LARGE1: variants seen among roughly 807,000 people sequenced by gnomAD.
LARGE1 encodes the protein xylosyl- and glucuronyltransferase LARGE1.
In LARGE1, 43 loss-of-function variants were observed where a neutral mutation model predicts 87.6. The ratio of observed to expected loss-of-function variants is 0.49; its 90% CI spans 0.38 to 0.63. The LOEUF (loss-of-function observed/expected upper bound fraction) is 0.63. Among genes scored for constraint, LARGE1 ranks in the 30% least tolerant of loss-of-function variants. The probability of loss-of-function intolerance (pLI) is 0.00; values close to 1 mark genes in which losing one functional copy is unlikely to be tolerated. For missense variants in LARGE1, 802 were observed against 1,000.2 expected, an observed-to-expected ratio of 0.80 and a Z score of 2.67; for synonymous variants, 434 against 394.6, an observed-to-expected ratio of 1.10 and a Z score of -1.18.
exon 12 of LARGE1, chr22:33,164,071 G>C (rs1602029419): frequency 6.6e-6 from 1 of 152,192 alleles, no homozygotes; most frequent in Admixed American, 6.5e-5. Context: ...CCATTAAGAA[G>C]GGAGGTAGGA....
chr22:33,812,923 CAG>C (rs2086541667), intron 1 of LARGE1, among the ~76,000 whole-genome samples: 1 of 152,196 alleles, frequency 6.6e-6, no homozygotes, highest in African/African-American at 2.4e-5. Context: ...ACAAATAAAA[CAG>C]AGATAATTAA....
At chr22:33,378,679 A>G (rs2147082693) in intron 9 of LARGE1, among the ~76,000 whole-genome samples, 1 of 152,316 alleles carries the variant, frequency 6.6e-6, no homozygotes, top group Admixed American at 6.5e-5. Flanking sequence ...TACAATGACC[A>G]GTTCTTCAAC....
the LARGE1 span, among the ~76,000 whole-genome samples, chr22:33,130,900 G>C: frequency 6.6e-6 from 1 of 151,980 alleles, no homozygotes; most frequent in Non-Finnish European, 1.5e-5. Context: ...GGGCGTGGTG[G>C]CAGTCGCCTG....
intron 11 of LARGE1, among the ~76,000 whole-genome samples, chr22:33,306,591 G>T (rs1488908648): frequency 6.6e-6 from 1 of 152,182 alleles, no homozygotes; most frequent in Admixed American, 6.5e-5. Flanking sequence ...AGAACAGAGA[G>T]GCCAGGAGCG....
chr22:33,602,222 G>T (rs1186875563), intron 5 of LARGE1, among the ~76,000 whole-genome samples: 1 of 152,124 alleles, frequency 6.6e-6, no homozygotes, highest in Non-Finnish European at 1.5e-5. Context: ...ACCAGTTAGA[G>T]AATTCTTCGG....
chr22:33,351,818 T>C (rs1940410083), intron 9 of LARGE1, among the ~76,000 whole-genome samples: 1 of 151,940 alleles, frequency 6.6e-6, no homozygotes, highest in South Asian at 2.1e-4. Context: ...CTTGGCTCAC[T>C]GCAACCGCCT....
At chr22:33,834,933 C>T (rs137945852) in intron 1 of LARGE1, among the ~76,000 whole-genome samples, 111 of 152,332 alleles carry the variant, frequency 7.3e-4, no homozygotes, top group African/African-American at 2.3e-3. Context: ...TATGCCTCAG[C>T]GACAAAGCTA....
downstream of LARGE1, among the ~76,000 whole-genome samples, chr22:33,271,947 AG>A (rs1331737589): frequency 4.6e-5 from 7 of 152,242 alleles, no homozygotes; most frequent in African/African-American, 1.7e-4. Context: ...CTGTACGTGA[AG>A]GTACATCATC....
chr22:33,493,149 G>T lies in LARGE1; in HGVS notation c.788-60884C>A, dbSNP rs57899317. On this transcript the variant is annotated intron_variant, in intron 6 of 14. Transcript: ENST00000397394. Reference sequence around the variant, plus strand: ...CCAAATGGATAGCTCTACAAGCATGGTGGCCTTTTTTTTTTTTTTTTTTTT... The same window carrying T: ...CCAAATGGATAGCTCTACAAGCATGTTGGCCTTTTTTTTTTTTTTTTTTTT... Among the ~76,000 whole-genome samples, 204 of 149,488 alleles carry T rather than the reference G, an allele frequency of 1.4e-3. 2 individuals are homozygous for T. In the East Asian group the frequency reaches 0.032, roughly 24 times the overall value.
chr22:33,767,641 G>A (rs990338628), intron 1 of LARGE1, among the ~76,000 whole-genome samples: 1 of 151,958 alleles, frequency 6.6e-6, no homozygotes, highest in Non-Finnish European at 1.5e-5. Context: ...CAGCACCAGA[G>A]GCTGTCTTTT....
chr22:33,233,280 G>GTGA (rs753881587), intron 11 of LARGE1, among the ~76,000 whole-genome samples: 298 of 149,532 alleles, frequency 2.0e-3, no homozygotes, highest in Non-Finnish European at 3.5e-3. Context: ...GGTGGTGTTA[G>GTGA]TGATGATGAT....
the LARGE1 span, among the ~76,000 whole-genome samples, chr22:33,088,645 T>C: frequency 3.3e-5 from 5 of 152,182 alleles, no homozygotes; most frequent in Non-Finnish European, 5.9e-5. Flanking sequence ...TATTAGCCAA[T>C]CAGTTGCACA....
chr22:33,721,946 C>T (rs1007264649), intron 2 of LARGE1, among the ~76,000 whole-genome samples: 1 of 152,046 alleles, frequency 6.6e-6, no homozygotes. Context: ...CAATGGAGAT[C>T]CTTGGGTAAA....
chr22:33,859,749 C>A (rs1297723428), intron 1 of LARGE1, among the ~76,000 whole-genome samples: 3 of 152,126 alleles, frequency 2.0e-5, no homozygotes, highest in Non-Finnish European at 2.9e-5. Context: ...ACATGTTCAG[C>A]AACAGATAAA....
At chr22:33,461,024 T>C (rs759861551) in intron 6 of LARGE1, among the ~76,000 whole-genome samples, 3 of 152,182 alleles carry the variant, frequency 2.0e-5, no homozygotes, top group Non-Finnish European at 4.4e-5. Context: ...GCCTCAAAGA[T>C]AAATTTCCAA....
chr22:33,662,706 C>A (rs2149236826), intron 2 of LARGE1, among the ~76,000 whole-genome samples: 1 of 152,230 alleles, frequency 6.6e-6, no homozygotes, highest in South Asian at 2.1e-4. Flanking sequence ...GCATGAGTAG[C>A]TGCCATCCAG....
At chr22:33,538,887 T>C (rs1456542888) in intron 6 of LARGE1, among the ~76,000 whole-genome samples, 2 of 152,236 alleles carry the variant, frequency 1.3e-5, no homozygotes, top group Non-Finnish European at 2.9e-5. Context: ...AAAGGCATTT[T>C]AGGATATCTT....
At chr22:33,260,820 C>T (rs1033755748) in intron 11 of LARGE1, among the ~76,000 whole-genome samples, 3 of 152,206 alleles carry the variant, frequency 2.0e-5, no homozygotes, top group African/African-American at 7.2e-5. Context: ...TCATAAGCCC[C>T]TTGCAGGCTC....
intron 5 of LARGE1, among the ~76,000 whole-genome samples, chr22:33,573,319 A>T (rs1222690177): frequency 1.3e-5 from 2 of 151,988 alleles, no homozygotes; most frequent in African/African-American, 4.8e-5. Flanking sequence ...TGCGCATGTA[A>T]TCCCAGCTAC....
Sources: gnomAD v4.1 joint callset for allele counts (sites outside exome capture counted in the v4.1 genomes callset) on GRCh38, gnomAD v4.1.1 for gene constraint, MANE v1.5 for transcripts, NCBI Gene and HGNC (gene_info 2026-07-23, HGNC 2026-07-21) for gene names.